INTS13: variants seen among roughly 807,000 people sequenced by gnomAD.
INTS13 encodes the protein integrator complex subunit 13, also known as asunder, spermatogenesis regulator homolog (Drosphila).
INTS13 carries 35 observed loss-of-function variants against 90.2 expected under a neutral mutation model. The observed-to-expected ratio is 0.39, with a 90% CI of 0.30 to 0.51. INTS13 has a LOEUF of 0.51. Among genes scored for constraint, INTS13 ranks in the 20% least tolerant of loss-of-function variants. INTS13 has a pLI of 0.80. For missense variants in INTS13, 601 were observed against 851.2 expected (o/e 0.71, Z 3.66); for synonymous variants, 309 against 277.1 (o/e 1.11, Z -1.14).
At chr12:26,917,078 T>C (rs1245681351) in intron 10 of INTS13, among the ~76,000 whole-genome samples, 1 of 152,052 alleles carries the variant, frequency 6.6e-6, no homozygotes, top group Non-Finnish European at 1.5e-5. Context: ...ATAAAAATAC[T>C]CACAATTTTA....
chr12:26,911,626 C>T (rs1348936286), intron 14 of INTS13, among the ~76,000 whole-genome samples: 1 of 151,954 alleles, frequency 6.6e-6, no homozygotes, highest in African/African-American at 2.4e-5. Context: ...GAAGAAATTG[C>T]ACAATTCTGA....
intron 3 of INTS13, among the ~76,000 whole-genome samples, chr12:26,931,982 G>A (rs945125392): frequency 6.6e-6 from 1 of 150,728 alleles, no homozygotes; most frequent in Admixed American, 6.6e-5. Flanking sequence ...AGCTGCTTGG[G>A]AAGCTGAGGC....
In INTS13 at chr12:26,922,616, C is replaced by A; in HGVS notation, c.889G>T (p.Gly297Cys). Residue 297 changes from glycine to cysteine, a missense_variant and splice_region_variant, in exon 8 of 17, where the codon GGT becomes TGT. By Grantham distance (159) the Gly-to-Cys change is radical (BLOSUM62 -3). Coordinates refer to ENST00000261191, the MANE Select transcript of INTS13 (RefSeq NM_018164.3). Reference sequence around the variant, plus strand: ...AATAATACTTTCAAATGTCTCTTACCACTTTTCAGGAAATCTACATGTGCA... The same window carrying A: ...AATAATACTTTCAAATGTCTCTTACAACTTTTCAGGAAATCTACATGTGCA... Reference protein sequence around the residue: ...KDAHVDFLKSGDSHLGGGSRE... With the variant: ...KDAHVDFLKSCDSHLGGGSRE... 6.3e-7 allele frequency: 1 copy of A among 1,584,660 alleles called. No homozygotes were observed. Among genetic ancestry groups the A allele is most frequent in the South Asian group, 1.2e-5 (1 of 85,904 alleles).
Position 26,917,426 on chromosome 12 carries a change from G to T in INTS13, c.995C>A (p.Thr332Asn). Reference sequence around the variant, plus strand: ...TACAGGTGAAATCCGATAAGCTCCAGTACAATAGTGTAATTCTGAAATAGA... The same window carrying T: ...TACAGGTGAAATCCGATAAGCTCCATTACAATAGTGTAATTCTGAAATAGA... ...RTNNIELHYC[T>N]GAYRISPVDV... The change falls in exon 10 of 17, where the codon ACT (threonine) becomes AAT (asparagine). Residue 332 changes from threonine (T) to asparagine (N), a missense_variant. Physicochemically the swap from Thr to Asn is moderately conservative, Grantham distance 65. Coordinates refer to ENST00000261191, the MANE Select transcript of INTS13 (RefSeq NM_018164.3). 1.3e-6 allele frequency: 2 copies of T among 1,539,436 alleles called. No homozygotes were observed. The highest frequency in any genetic ancestry group is 1.8e-6 in the Non-Finnish European group (2 of 1,124,516).
At position 26,917,673 on chromosome 12, in the gene INTS13, T is replaced by C. The variant is rs1198978516; in HGVS notation, c.950A>G (p.Lys317Arg). Residue 317 changes from lysine to arginine, a missense_variant, in exon 9 of 17, where the codon AAG (lysine) becomes AGG (arginine). Physicochemically the swap from Lys to Arg is conservative, Grantham distance 26. Coordinates refer to ENST00000261191, the MANE Select transcript of INTS13 (RefSeq NM_018164.3). ...GTTATTTGTCCTTGGTGTACACCAC[T>C]TTAATGTTATTGTTTCTTTAAACGA... ...EGSFKETITL[K>R]WCTPRTNNIE... The C allele has an allele frequency of 3.7e-6, 6 of 1,614,028 alleles. No homozygotes were observed. Among genetic ancestry groups the C allele is most frequent in the Non-Finnish European group, 5.1e-6 (6 of 1,179,902 alleles).
chr12:26,920,060 A>G (rs1952063279), intron 8 of INTS13, among the ~76,000 whole-genome samples: 1 of 151,678 alleles, frequency 6.6e-6, no homozygotes, highest in Admixed American at 6.6e-5. Flanking sequence ...CCCAGGAGGC[A>G]GAGCTTGCAG....
intron 3 of INTS13, among the ~76,000 whole-genome samples, chr12:26,931,156 AAAG>A (rs1319313124): frequency 6.6e-6 from 1 of 151,950 alleles, no homozygotes; most frequent in African/African-American, 2.4e-5. Context: ...AAAAACAGAA[AAAG>A]AAGCCGGGCA....
chr12:26,927,986 A>G (rs1234291813), intron 5 of INTS13, among the ~76,000 whole-genome samples: 1 of 152,236 alleles, frequency 6.6e-6, no homozygotes, highest in African/African-American at 2.4e-5. Flanking sequence ...AAATTTATGT[A>G]TTATTTTATC....
chr12:26,937,682 C>G (rs1479408561), intron 1 of INTS13, 114 bp downstream of exon 1: 3 of 152,294 alleles, frequency 2.0e-5, no homozygotes, highest in African/African-American at 7.2e-5. Flanking sequence ...ACGCATCTCC[C>G]CTTCATGCAA....
chr12:26,928,459 A>G (rs542223934), intron 4 of INTS13, among the ~76,000 whole-genome samples, 174 bp from the exon 5 acceptor site: 26 of 152,188 alleles, frequency 1.7e-4, no homozygotes, highest in Non-Finnish European at 2.8e-4. Flanking sequence ...CCAGTGAGAA[A>G]AAATGTTAAA....
At chr12:26,913,937 A>T (rs765258806) in intron 13 of INTS13, 37 bp downstream of exon 13, 2 of 1,558,966 alleles carry the variant, frequency 1.3e-6, no homozygotes, top group African/African-American at 1.4e-5. Context: ...TATCAAGTAA[A>T]TGTGATCTAT....
At chr12:26,937,507 T>G (rs1043007500) in intron 1 of INTS13, among the ~76,000 whole-genome samples, 1 of 152,202 alleles carries the variant, frequency 6.6e-6, no homozygotes, top group Non-Finnish European at 1.5e-5. Flanking sequence ...TTTAAAACTT[T>G]TTCTTATTAA....
rs137971889 is a variant in INTS13 at position 26,905,530 on chromosome 12, C to A, written c.2088G>T (p.Glu696Asp). Residue 696 changes from glutamate (E) to aspartate (D), a missense_variant, in exon 17 of 17, where the codon GAG becomes GAT. Transcript: ENST00000261191. ...GGCTGGCTTTTCCATTTTCTGTTGT[C>A]TCCATCCTGAAATAGGAAGAAAAAA... Reference protein sequence around the residue: ...YQHLKEENGMETTENGKASRQ With the variant: ...YQHLKEENGMDTTENGKASRQ 2.4e-5 allele frequency: 38 copies of A among 1,611,436 alleles called. No individual in the cohort carries two copies. Among genetic ancestry groups the A allele is most frequent in the Non-Finnish European group, 3.2e-5 (38 of 1,179,064 alleles).
intron 7 of INTS13, 89 bp from the exon 8 acceptor site, chr12:26,922,789 A>C: frequency 1.4e-6 from 1 of 708,456 alleles, no homozygotes; most frequent in East Asian, 2.9e-5. Context: ...TTTTGTTTAA[A>C]ATGAGGGCAA....
intron 15 of INTS13, among the ~76,000 whole-genome samples, chr12:26,909,926 G>A (rs17485072): frequency 0.14 from 20,726 of 152,126 alleles, 1,575 homozygotes; most frequent in Admixed American, 0.23. Flanking sequence ...GAGAGGCATA[G>A]TGGCAGGACA....
At position 26,917,656 on chromosome 12, in the gene INTS13, T is replaced by C; in HGVS notation, c.967A>G (p.Thr323Ala). 6.2e-7 allele frequency: 1 copy of C among 1,612,740 alleles called. No individual in the cohort carries two copies. Among genetic ancestry groups the C allele is most frequent in the Non-Finnish European group, 8.5e-7 (1 of 1,178,748 alleles). ...CTTAAATACCTACCAATGTTATTTG[T>C]CCTTGGTGTACACCACTTTAATGTT... ...TITLKWCTPR[T>A]NNIELHYCTG... The change falls in exon 9 of 17, where the codon ACA (threonine) becomes GCA (alanine). Residue 323 changes from threonine to alanine, a missense_variant. By Grantham distance (58) the Thr-to-Ala change is moderately conservative. Transcript: ENST00000261191.
At chr12:26,932,425 A>C (rs1184578295) in intron 3 of INTS13, among the ~76,000 whole-genome samples, 3 of 152,234 alleles carry the variant, frequency 2.0e-5, no homozygotes, top group Non-Finnish European at 4.4e-5. Context: ...CTTGACTCCC[A>C]GATCTTACTT....
chr12:26,931,279 C>T (rs910364921), intron 3 of INTS13, among the ~76,000 whole-genome samples: 1 of 151,852 alleles, frequency 6.6e-6, no homozygotes, highest in Non-Finnish European at 1.5e-5. Context: ...CCCATCTCTA[C>T]GAAAAATACA....
At chr12:26,923,070 T>A (rs1252775656) in intron 7 of INTS13, among the ~76,000 whole-genome samples, 1 of 152,138 alleles carries the variant, frequency 6.6e-6, no homozygotes, top group Non-Finnish European at 1.5e-5. Context: ...AAATCATTGT[T>A]AAAAAGAGGA....
Sources: allele counts gnomAD v4.1 joint callset (sites outside exome capture counted in the v4.1 genomes callset), GRCh38; gene constraint gnomAD v4.1.1; transcripts MANE v1.5; gene names NCBI Gene and HGNC (gene_info 2026-07-23, HGNC 2026-07-21).